The following STARD13 variants were observed in gnomAD, a reference collection of about 807,000 sequenced individuals.
The protein encoded by STARD13 is StAR related lipid transfer domain containing 13.
Under a neutral mutation model 106.4 loss-of-function variants are expected in STARD13, and 62 were observed. The ratio of observed to expected loss-of-function variants is 0.58; its 90% CI spans 0.48 to 0.72. STARD13 has a LOEUF of 0.72. Ranked by LOEUF, STARD13 falls within the 30% of genes least tolerant of loss-of-function variation. STARD13 has a pLI of 0.00. For synonymous variants in STARD13, 565 were observed against 553.0 expected (o/e 1.02, Z -0.31); for missense variants, 1,387 against 1,424.0 (o/e 0.97, Z 0.42).
chr13:33,112,638 T>A (rs543196142), intron 9 of STARD13, 83 bp downstream of exon 9: 2 of 1,025,244 alleles, frequency 2.0e-6, no homozygotes, highest in East Asian at 4.9e-5. Flanking sequence ...TATCTATCTA[T>A]CCATCCATCC....
chr13:33,577,672 T>G, the STARD13 span, among the ~76,000 whole-genome samples: 1 of 152,182 alleles, frequency 6.6e-6, no homozygotes, highest in Admixed American at 6.5e-5. Flanking sequence ...TGCAAAATAA[T>G]GAATCTAGAC....
rs2078047149 is a variant in STARD13, at chr13:33,349,264, C to A, written c.125-48G>T. On this transcript the variant is annotated intron_variant, in intron 1 of 1. Transcript: ENST00000439831. Reference sequence around the variant, plus strand: ...AAGGTCCAGAGACTTGCCTCAGGGTCACCTCAGGGGCCCTTCCAATCATGC... The same window carrying A: ...AAGGTCCAGAGACTTGCCTCAGGGTAACCTCAGGGGCCCTTCCAATCATGC... 4.3e-6 allele frequency: 3 copies of A among 702,006 alleles called. No individual in the cohort carries two copies. The South Asian group carries it at 4.4e-5, about 10-fold the overall frequency. 43.5% of individuals were successfully genotyped at this position (702,006 alleles called of 1,614,324 possible).
chr13:33,448,554 G>A, the STARD13 span, among the ~76,000 whole-genome samples: 1 of 152,074 alleles, frequency 6.6e-6, no homozygotes, highest in Non-Finnish European at 1.5e-5. Flanking sequence ...GAATTGTACT[G>A]TGCTAAACAC....
rs371245565 is a variant in STARD13 at position 33,158,191 on chromosome 13, A to AAGAGAGAG, written c.323+7138_323+7145dup. On this transcript the variant is annotated intron_variant, in intron 3 of 13. Coordinates refer to ENST00000336934, the MANE Select transcript of STARD13 (RefSeq NM_178006.4). ...GGGCCTAAAATGAGAGCTAGAGAGA[A>AAGAGAGAG]AGAGAGAGAGAGAGAGAGAGCAAGA... is the stretch of plus-strand genomic sequence containing the variant. Among the ~76,000 whole-genome samples the AAGAGAGAG allele has an allele frequency of 3.1e-3, 455 of 148,620 alleles. 3 individuals carry two copies. Among genetic ancestry groups the AAGAGAGAG allele is most frequent in the African/African-American group, 0.011 (429 of 40,772 alleles).
At chr13:33,229,312 CAG>C (rs1210876180) in intron 1 of STARD13, among the ~76,000 whole-genome samples, 1 of 152,174 alleles carries the variant, frequency 6.6e-6, no homozygotes, top group African/African-American at 2.4e-5. Flanking sequence ...TGAGATGACA[CAG>C]ACCAAAACCG....
At chr13:33,573,381 G>A in the STARD13 span, among the ~76,000 whole-genome samples, 5 of 152,048 alleles carry the variant, frequency 3.3e-5, no homozygotes, top group African/African-American at 7.2e-5. Context: ...AAAGTATGAG[G>A]CCCATGCACC....
chr13:33,212,562 AT>A (rs1887785917), intron 1 of STARD13, among the ~76,000 whole-genome samples: 1 of 152,132 alleles, frequency 6.6e-6, no homozygotes, highest in Non-Finnish European at 1.5e-5. Context: ...GCAGGTGCAG[AT>A]GTGCATGAGG....
At chr13:33,310,001 A>G (rs1489962327) in intron 1 of STARD13, among the ~76,000 whole-genome samples, 2 of 152,194 alleles carry the variant, frequency 1.3e-5, no homozygotes, top group Non-Finnish European at 2.9e-5. Flanking sequence ...TATTGACATC[A>G]TGCTCTCCTA....
chr13:33,600,094 T>C, the STARD13 span, among the ~76,000 whole-genome samples: 2 of 152,220 alleles, frequency 1.3e-5, no homozygotes, highest in Admixed American at 1.3e-4. Flanking sequence ...ATCACGTATG[T>C]AGTTTTCTTG....
At chr13:33,269,856 G>C (rs1431105953) in intron 1 of STARD13, among the ~76,000 whole-genome samples, 1 of 152,144 alleles carries the variant, frequency 6.6e-6, no homozygotes, top group Non-Finnish European at 1.5e-5. Context: ...ATATACATTC[G>C]CTCACAGTGC....
the STARD13 span, among the ~76,000 whole-genome samples, chr13:33,406,405 T>G: frequency 6.6e-6 from 1 of 152,246 alleles, no homozygotes; most frequent in Non-Finnish European, 1.5e-5. Context: ...AAAAATTTGC[T>G]GTGGACACTG....
At chr13:33,612,932 C>T in the STARD13 span, among the ~76,000 whole-genome samples, 9 of 152,158 alleles carry the variant, frequency 5.9e-5, no homozygotes, top group Non-Finnish European at 1.0e-4. Context: ...CCTAAAGGCT[C>T]GTCTTCCAGT....
the STARD13 span, among the ~76,000 whole-genome samples, chr13:33,445,362 T>C: frequency 6.6e-6 from 1 of 152,180 alleles, no homozygotes; most frequent in Non-Finnish European, 1.5e-5. Flanking sequence ...TATTCAGTAG[T>C]AACCTTGATT....
At chr13:33,573,941 A>G in the STARD13 span, among the ~76,000 whole-genome samples, 4 of 152,318 alleles carry the variant, frequency 2.6e-5, no homozygotes, top group African/African-American at 9.6e-5. Context: ...ATATTCAAAA[A>G]TAACACATAA....
chr13:33,164,389 C>A (rs1277456750), intron 3 of STARD13: 1 of 152,196 alleles, frequency 6.6e-6, no homozygotes, highest in Non-Finnish European at 1.5e-5. Flanking sequence ...TCCCTTTAAA[C>A]TACTACCTTA....
the STARD13 span, among the ~76,000 whole-genome samples, chr13:33,428,325 G>T: frequency 6.6e-6 from 1 of 152,140 alleles, no homozygotes; most frequent in East Asian, 1.9e-4. Context: ...ATAGAAATTA[G>T]ATTACACCAA....
intron 1 of STARD13, among the ~76,000 whole-genome samples, chr13:33,249,930 C>T (rs928667600): frequency 6.6e-6 from 1 of 152,134 alleles, no homozygotes; most frequent in Non-Finnish European, 1.5e-5. Flanking sequence ...GCTGGGACTA[C>T]AGGCATTTGC....
chr13:33,285,756 A>T (rs976769918), upstream of STARD13: 3 of 1,487,720 alleles, frequency 2.0e-6, no homozygotes, highest in African/African-American at 2.8e-5. Flanking sequence ...AGCGATTTTT[A>T]AAAAGAAAGA....
intron 1 of STARD13, among the ~76,000 whole-genome samples, chr13:33,300,609 G>A (rs1892672961): frequency 6.6e-6 from 1 of 152,166 alleles, no homozygotes; most frequent in African/African-American, 2.4e-5. Flanking sequence ...TTATTTTAAA[G>A]CTATGCTATG....
Sources: gnomAD v4.1 joint callset for allele counts (sites outside exome capture counted in the v4.1 genomes callset) on GRCh38, gnomAD v4.1.1 for gene constraint, MANE v1.5 for transcripts, NCBI Gene and HGNC (gene_info 2026-07-23, HGNC 2026-07-21) for gene names.